Variants in TRPM3 observed in about 807,000 individuals in gnomAD.
TRPM3 encodes the protein transient receptor potential cation channel subfamily M member 3, also known as long transient receptor potential channel 3.
TRPM3 carries 77 observed loss-of-function variants against 181.2 expected under a neutral mutation model. The ratio of observed to expected loss-of-function variants is 0.42; its 90% CI spans 0.35 to 0.51. TRPM3 has a LOEUF of 0.51. Among genes scored for constraint, TRPM3 ranks in the 20% least tolerant of loss-of-function variants. The probability of loss-of-function intolerance (pLI) is 0.01; values close to 1 mark genes in which losing one functional copy is unlikely to be tolerated. For synonymous variants in TRPM3, 745 were observed against 796.4 expected, an observed-to-expected ratio of 0.94 and a Z score of 1.09; for missense variants, 1,759 against 2,196.7, an observed-to-expected ratio of 0.80 and a Z score of 3.98.
chr9:70,882,524 C>A (rs531179037), intron 1 of TRPM3, among the ~76,000 whole-genome samples: 2 of 152,098 alleles, frequency 1.3e-5, no homozygotes, highest in African/African-American at 4.8e-5. Context: ...TTGTTTTTTT[C>A]AAGTGGCTAT....
At chr9:70,550,092 C>T (rs1341028861) in intron 24 of TRPM3, among the ~76,000 whole-genome samples, 1 of 152,146 alleles carries the variant, frequency 6.6e-6, no homozygotes, top group Non-Finnish European at 1.5e-5. Flanking sequence ...CTCCTTTTTC[C>T]CTTTCCTGCT....
intron 15 of TRPM3, 85 bp from the exon 16 acceptor site, chr9:70,620,450 C>G: frequency 7.0e-7 from 1 of 1,426,722 alleles, no homozygotes; most frequent in Non-Finnish European, 9.6e-7. Flanking sequence ...CTTCTCCCAG[C>G]TAGCTCTGGG....
At chr9:71,315,594 T>C (rs1460358801) in intron 1 of TRPM3, among the ~76,000 whole-genome samples, 4 of 152,198 alleles carry the variant, frequency 2.6e-5, no homozygotes, top group Non-Finnish European at 5.9e-5. Context: ...TATAGCCATC[T>C]ACTAGATTCA....
intron 1 of TRPM3, among the ~76,000 whole-genome samples, chr9:70,962,535 A>C (rs2097146847): frequency 6.6e-6 from 1 of 152,154 alleles, no homozygotes; most frequent in African/African-American, 2.4e-5. Context: ...TAAGGACGGA[A>C]TGAGATGCAG....
At chr9:71,208,724 C>T (rs2079283873) in intron 1 of TRPM3, among the ~76,000 whole-genome samples, 1 of 152,192 alleles carries the variant, frequency 6.6e-6, no homozygotes, top group Non-Finnish European at 1.5e-5. Context: ...GAATGGTTCT[C>T]ATGGCCAAAA....
At chr9:70,875,450 A>T (rs183500222) in intron 1 of TRPM3, among the ~76,000 whole-genome samples, 1 of 152,142 alleles carries the variant, frequency 6.6e-6, no homozygotes, top group African/African-American at 2.4e-5. Context: ...TGCAGAGTAC[A>T]CAAGAGATTT....
chr9:70,848,087 T>C (rs1295432881), intron 3 of TRPM3, among the ~76,000 whole-genome samples: 1 of 152,168 alleles, frequency 6.6e-6, no homozygotes, highest in Non-Finnish European at 1.5e-5. Context: ...ATACAGGCTA[T>C]AAGATAACTG....
At chr9:71,119,449 C>T (rs2073144593) in intron 1 of TRPM3, among the ~76,000 whole-genome samples, 1 of 152,034 alleles carries the variant, frequency 6.6e-6, no homozygotes, top group Admixed American at 6.5e-5. Context: ...ACTCACTCTC[C>T]TAAAAAGACA....
At chr9:71,117,618 C>A (rs1200987782) in intron 1 of TRPM3, among the ~76,000 whole-genome samples, 2 of 152,094 alleles carry the variant, frequency 1.3e-5, no homozygotes, top group Non-Finnish European at 2.9e-5. Context: ...TGCCCAAGGT[C>A]ACACAGCTGG....
intron 22 of TRPM3, among the ~76,000 whole-genome samples, chr9:70,583,540 A>C (rs1421293597): frequency 1.3e-5 from 2 of 152,226 alleles, no homozygotes. Flanking sequence ...AGGTATTAGC[A>C]AGTCTGGAAA....
intron 1 of TRPM3, among the ~76,000 whole-genome samples, chr9:71,271,967 A>T (rs2083833147): frequency 6.6e-6 from 1 of 152,248 alleles, no homozygotes; most frequent in African/African-American, 2.4e-5. Context: ...GAGGCAATTC[A>T]GCACCACTTA....
At chr9:70,985,635 T>C (rs183084094) in intron 1 of TRPM3, among the ~76,000 whole-genome samples, 60 of 152,318 alleles carry the variant, frequency 3.9e-4, no homozygotes, top group African/African-American at 1.3e-3. Flanking sequence ...TTGTTGCTAA[T>C]CTCAGTTCAA....
chr9:71,046,282 G>A (rs1293212860), intron 1 of TRPM3, among the ~76,000 whole-genome samples: 2 of 152,056 alleles, frequency 1.3e-5, no homozygotes, highest in South Asian at 4.1e-4. Flanking sequence ...ACCGCGCCTG[G>A]CCTTTTCTAC....
chr9:71,327,835 C>T (rs1423920438), intron 1 of TRPM3, among the ~76,000 whole-genome samples: 6 of 152,112 alleles, frequency 3.9e-5, no homozygotes, highest in Admixed American at 3.9e-4. Context: ...TATCAGGATA[C>T]ATTGACTGCT....
chr9:70,693,779 C>T (rs938109694), intron 8 of TRPM3, among the ~76,000 whole-genome samples: 2 of 152,238 alleles, frequency 1.3e-5, no homozygotes, highest in Non-Finnish European at 2.9e-5. Flanking sequence ...GGTCATACCA[C>T]TTGTTACTGG....
intron 1 of TRPM3, among the ~76,000 whole-genome samples, chr9:71,138,888 C>T (rs1302231739): frequency 1.3e-5 from 2 of 151,934 alleles, no homozygotes; most frequent in Non-Finnish European, 2.9e-5. Flanking sequence ...ACTATTTTTC[C>T]ACTTACAAAC....
intron 24 of TRPM3, among the ~76,000 whole-genome samples, chr9:70,551,718 A>T (rs866278255): frequency 7.0e-4 from 106 of 152,316 alleles, no homozygotes; most frequent in African/African-American, 2.4e-3. Flanking sequence ...GCTATCATTC[A>T]TTAGAGCATC....
chr9:70,694,297 T>C (rs2069513643), intron 8 of TRPM3, among the ~76,000 whole-genome samples: 1 of 151,954 alleles, frequency 6.6e-6, no homozygotes, highest in Non-Finnish European at 1.5e-5. Flanking sequence ...GCAAAAAAAA[T>C]AAGTTTGACT....
chr9:70,876,985 T>C (rs1006300897), intron 1 of TRPM3, among the ~76,000 whole-genome samples: 1 of 152,082 alleles, frequency 6.6e-6, no homozygotes, highest in Non-Finnish European at 1.5e-5. Flanking sequence ...TATTATTAAC[T>C]AAAATTTGTA....
Sources: gnomAD v4.1 joint callset for allele counts (sites outside exome capture counted in the v4.1 genomes callset) on GRCh38, gnomAD v4.1.1 for gene constraint, MANE v1.5 for transcripts, NCBI Gene and HGNC (gene_info 2026-07-23, HGNC 2026-07-21) for gene names.